The following PTGR3 variants were observed in gnomAD, a reference collection of about 807,000 sequenced individuals.
PTGR3 encodes zinc binding alcohol dehydrogenase domain containing 2.
At chr18:75,202,517 T>G in the PTGR3 span, among the ~76,000 whole-genome samples, 4 of 152,304 alleles carry the variant, frequency 2.6e-5, no homozygotes, top group South Asian at 8.3e-4. Flanking sequence ...ATTAAACAAG[T>G]ATTAGTTCAA....
At chr18:75,196,116 T>C in the PTGR3 span, 1 of 152,232 alleles carries the variant, frequency 6.6e-6, no homozygotes, top group East Asian at 1.9e-4. Flanking sequence ...TTGATCATTC[T>C]AAGACCCTGT....
the PTGR3 span, chr18:75,201,334 C>T: frequency 7.9e-7 from 1 of 1,268,832 alleles, no homozygotes; most frequent in Non-Finnish European, 1.1e-6. Context: ...CCATTACCAA[C>T]TAAAAATAAA....
At chr18:75,201,531 T>G in the PTGR3 span, 1 of 1,614,180 alleles carries the variant, frequency 6.2e-7, no homozygotes, top group South Asian at 1.1e-5. Flanking sequence ...AAACCTGCCC[T>G]CTGGAGACAG....
the PTGR3 span, chr18:75,195,821 G>A: frequency 6.6e-6 from 1 of 152,246 alleles, no homozygotes; most frequent in South Asian, 2.1e-4. Context: ...GGCTGAGGTG[G>A]GAGGATCGCT....
At chr18:75,208,963 G>A in the PTGR3 span, 1 of 1,595,554 alleles carries the variant, frequency 6.3e-7, no homozygotes, top group East Asian at 2.3e-5. Flanking sequence ...GCTTCTGCAT[G>A]GCTTGGGGAA....
chr18:75,206,367 T>C, the PTGR3 span, among the ~76,000 whole-genome samples: 1 of 152,182 alleles, frequency 6.6e-6, no homozygotes, highest in African/African-American at 2.4e-5. Context: ...CCACCAAACA[T>C]CTTTCCCAAC....
the PTGR3 span, chr18:75,199,900 T>C: frequency 1.0e-4 from 16 of 152,636 alleles, 1 homozygote; most frequent in Admixed American, 9.2e-4. Flanking sequence ...CCATTTACCA[T>C]ATAAATTGTA....
the PTGR3 span, chr18:75,198,435 C>T: frequency 6.6e-6 from 1 of 152,142 alleles, no homozygotes; most frequent in Non-Finnish European, 1.5e-5. Context: ...TCCTGAGGAA[C>T]TTCATCCAGA....
At chr18:75,196,735 T>C in the PTGR3 span, 1 of 151,286 alleles carries the variant, frequency 6.6e-6, no homozygotes, top group African/African-American at 2.4e-5. Context: ...CCCGGGATAC[T>C]TACCCTTAAG....
At chr18:75,202,153 T>C in the PTGR3 span, 615 of 1,614,078 alleles carry the variant, frequency 3.8e-4, 1 homozygote, top group African/African-American at 7.5e-3. Context: ...GGCACAACTG[T>C]GTACTCAGCA....
chr18:75,197,223 G>T, the PTGR3 span: 3 of 152,178 alleles, frequency 2.0e-5, no homozygotes, highest in Non-Finnish European at 4.4e-5. Flanking sequence ...CAAACAGGGT[G>T]ACTATAAGCA....
chr18:75,208,762 G>C, the PTGR3 span: 5 of 1,201,766 alleles, frequency 4.2e-6, no homozygotes, highest in Middle Eastern at 3.2e-4. Flanking sequence ...GTGGGCACGC[G>C]GGCGGGCTGG....
chr18:75,204,876 G>C, the PTGR3 span, among the ~76,000 whole-genome samples: 1 of 152,316 alleles, frequency 6.6e-6, no homozygotes, highest in East Asian at 1.9e-4. Flanking sequence ...TCGGCGCGCC[G>C]GAGCGCAGTG....
At chr18:75,196,669 G>A in the PTGR3 span, 1 of 140,288 alleles carries the variant, frequency 7.1e-6, no homozygotes, top group Non-Finnish European at 1.5e-5. Context: ...TCTGTACTTT[G>A]GCCCAGCGCT....
the PTGR3 span, chr18:75,205,559 A>G: frequency 5.6e-6 from 5 of 889,602 alleles, no homozygotes; most frequent in Non-Finnish European, 6.7e-6. Context: ...AAAAAGTGCT[A>G]AACCCCCTCG....
the PTGR3 span, chr18:75,209,003 C>G: frequency 6.3e-7 from 1 of 1,590,376 alleles, no homozygotes; most frequent in African/African-American, 1.4e-5. The surrounding 1 kb of genome is among the most constrained non-coding windows in gnomAD (Gnocchi z 4.7). Flanking sequence ...CAGGAAGTGG[C>G]GGGCGTACGA....
At chr18:75,201,311 AG>A in the PTGR3 span, 1 of 1,023,130 alleles carries the variant, frequency 9.8e-7, no homozygotes, top group South Asian at 1.7e-5. Flanking sequence ...TTTTGTTTTA[AG>A]AAATATTATA....
the PTGR3 span, chr18:75,201,882 T>C: frequency 1.9e-6 from 3 of 1,614,110 alleles, no homozygotes; most frequent in Non-Finnish European, 2.5e-6. Flanking sequence ...AGTTTTATAG[T>C]TGATAGGACG....
chr18:75,208,824 G>A, the PTGR3 span: 2 of 1,451,450 alleles, frequency 1.4e-6, no homozygotes, highest in Admixed American at 2.5e-5. Context: ...GAACGGGGGC[G>A]TGGGGTTGGG....
Sources: allele counts gnomAD v4.1 joint callset (sites outside exome capture counted in the v4.1 genomes callset), GRCh38; gene constraint gnomAD v4.1.1; non-coding constraint Gnocchi (gnomAD v3.1); transcripts MANE v1.5; gene names NCBI Gene and HGNC (gene_info 2026-07-23, HGNC 2026-07-21).